The following SPMIP1 variants were observed in gnomAD, a reference collection of about 807,000 sequenced individuals.
The protein encoded by SPMIP1 is protein SPMIP1.
At chr7:128,871,538 T>G in the SPMIP1 span, 2 of 152,046 alleles carry the variant, frequency 1.3e-5, no homozygotes, top group African/African-American at 4.8e-5. Context: ...ACAAAAGAAA[T>G]CTAAAAAAAG....
chr7:128,871,590 G>T, the SPMIP1 span: 1 of 152,232 alleles, frequency 6.6e-6, no homozygotes, highest in African/African-American at 2.4e-5. Context: ...GGAGGAAGGA[G>T]AGCTGTTCTG....
At chr7:128,868,609 T>A in the SPMIP1 span, 2 of 1,134,816 alleles carry the variant, frequency 1.8e-6, no homozygotes, top group Non-Finnish European at 2.5e-6. Context: ...AGGGCTCCCA[T>A]GCTCTGCGTG....
the SPMIP1 span, chr7:128,866,609 C>T: frequency 2.2e-5 from 34 of 1,534,904 alleles, no homozygotes; most frequent in East Asian, 8.1e-4. Context: ...CCCCCACCCG[C>T]CCCCAAGTCA....
At chr7:128,868,638 A>G in the SPMIP1 span, 1 of 1,467,076 alleles carries the variant, frequency 6.8e-7, no homozygotes, top group Non-Finnish European at 9.2e-7. Flanking sequence ...TCAGGAACCC[A>G]TGCTTGGCCT....
At chr7:128,871,526 TAAC>T in the SPMIP1 span, 6 of 152,168 alleles carry the variant, frequency 3.9e-5, no homozygotes, top group African/African-American at 1.4e-4. Flanking sequence ...TGTTCATAAT[TAAC>T]AAAAGAAATC....
the SPMIP1 span, chr7:128,870,858 GAGCCTCCTCCTCACCCCAGC>G: frequency 2.6e-5 from 4 of 152,334 alleles, no homozygotes; most frequent in Admixed American, 2.6e-4. Context: ...CTTCACTGAA[GAGCCTCCTCCTCACCCCAGC>G]AGCCTCCTCC....
chr7:128,866,957 T>G, the SPMIP1 span: 1 of 933,992 alleles, frequency 1.1e-6, no homozygotes, highest in Non-Finnish European at 1.6e-6. Flanking sequence ...GTCGACACGT[T>G]CCACAGAACT....
At chr7:128,866,954 C>A in the SPMIP1 span, 1 of 960,980 alleles carries the variant, frequency 1.0e-6, no homozygotes, top group Non-Finnish European at 1.5e-6. Flanking sequence ...AGTGTCGACA[C>A]GTTCCACAGA....
chr7:128,866,938 C>G, the SPMIP1 span: 1 of 1,120,998 alleles, frequency 8.9e-7, no homozygotes, highest in Non-Finnish European at 1.2e-6. Context: ...AAGGAGATGG[C>G]CAAGAAGTGT....
chr7:128,869,868 C>CCCA, the SPMIP1 span: 1 of 152,354 alleles, frequency 6.6e-6, no homozygotes, highest in Non-Finnish European at 1.5e-5. Flanking sequence ...CGGTGCGGGG[C>CCCA]CCACTCCAGG....
chr7:128,869,178 C>T, the SPMIP1 span: 2 of 325,824 alleles, frequency 6.1e-6, no homozygotes, highest in Non-Finnish European at 1.1e-5. Context: ...CCCGAGGGCC[C>T]GCAGCCGCTC....
chr7:128,870,060 G>T, the SPMIP1 span: 3 of 152,226 alleles, frequency 2.0e-5, no homozygotes, highest in African/African-American at 7.2e-5. Context: ...GCCCCCTCCC[G>T]GGCGGCCCCC....
chr7:128,870,603 G>C, the SPMIP1 span: 1 of 152,278 alleles, frequency 6.6e-6, no homozygotes, highest in South Asian at 2.1e-4. Context: ...TCCGAGCCCA[G>C]CCCTTCAAGG....
At chr7:128,871,309 T>G in the SPMIP1 span, 1 of 152,294 alleles carries the variant, frequency 6.6e-6, no homozygotes, top group East Asian at 1.9e-4. Context: ...AGGGTCACGG[T>G]GCTGGGTGCC....
chr7:128,870,780 G>C, the SPMIP1 span: 2 of 152,274 alleles, frequency 1.3e-5, no homozygotes, highest in African/African-American at 4.8e-5. Context: ...GGAACCTGCA[G>C]ACCCCAGGGG....
At chr7:128,866,795 C>T in the SPMIP1 span, 12 of 1,535,482 alleles carry the variant, frequency 7.8e-6, no homozygotes, top group African/African-American at 1.4e-5. Context: ...TACCTCTTCC[C>T]CATCACCACC....
chr7:128,868,761 G>C, the SPMIP1 span: 1 of 1,534,726 alleles, frequency 6.5e-7, no homozygotes, highest in South Asian at 1.2e-5. Flanking sequence ...TGATCCCCGA[G>C]ACCTGGCCCT....
At chr7:128,866,551 C>T in the SPMIP1 span, 43 of 1,535,792 alleles carry the variant, frequency 2.8e-5, 1 homozygote, top group Middle Eastern at 8.3e-4. Context: ...GGCTGCAGCC[C>T]GCCTGCCCCT....
chr7:128,868,976 TC>T, the SPMIP1 span: 1 of 523,510 alleles, frequency 1.9e-6, no homozygotes, highest in Admixed American at 3.2e-5. Context: ...CTTTGAGGAC[TC>T]AGCAATGACC....
Sources: gnomAD v4.1 joint callset for allele counts on GRCh38, gnomAD v4.1.1 for gene constraint, MANE v1.5 for transcripts, NCBI Gene and HGNC (gene_info 2026-07-23, HGNC 2026-07-21) for gene names.